Variants in PTPN22 observed in about 807,000 individuals in gnomAD.
PTPN22 encodes protein tyrosine phosphatase non-receptor type 22.
Under a neutral mutation model 103.3 loss-of-function variants are expected in PTPN22, and 85 were observed. That is an observed-to-expected ratio of 0.82 (90% confidence interval 0.69 to 0.99). PTPN22 has a LOEUF of 0.99. Among genes scored for constraint, PTPN22 ranks in the 50% least tolerant of loss-of-function variants. The pLI, the probability that PTPN22 is intolerant of heterozygous loss-of-function variation, is 0.00. For synonymous variants in PTPN22, 323 were observed against 310.2 expected, an observed-to-expected ratio of 1.04 and a Z score of -0.43; for missense variants, 865 against 936.9, an observed-to-expected ratio of 0.92 and a Z score of 1.00.
At chr1:113,856,526 T>G in intron 6 of PTPN22, 22 bp downstream of exon 6, 1 of 1,614,172 alleles carries the variant, frequency 6.2e-7, no homozygotes. Context: ...TACTCAGACA[T>G]GAGAACAGAC....
exon 15 of PTPN22, chr1:113,834,394 T>C: frequency 1.2e-6 from 2 of 1,613,424 alleles, no homozygotes; most frequent in South Asian, 2.2e-5. Flanking sequence ...AATTTTTACC[T>C]TCACAGCTGA....
At chr1:113,848,992 A>AT (rs1437304991) in intron 10 of PTPN22, among the ~76,000 whole-genome samples, 2 of 151,960 alleles carry the variant, frequency 1.3e-5, no homozygotes, top group African/African-American at 4.8e-5. Flanking sequence ...TTCTAGATGG[A>AT]TTTTTTGTAA....
chr1:113,838,302 C>T (rs74163654), exon 13 of PTPN22: 33 of 1,613,158 alleles, frequency 2.0e-5, no homozygotes, highest in Admixed American at 3.3e-5. Context: ...GCAAAACTAG[C>T]TCTTCTTTTG....
intron 11 of PTPN22, among the ~76,000 whole-genome samples, chr1:113,847,176 AT>A (rs1664156318): frequency 8.4e-6 from 1 of 119,628 alleles, no homozygotes; most frequent in South Asian, 2.5e-4. Context: ...CAGTTACTGT[AT>A]TTTTAAGTTC....
chr1:113,824,418 T>C (rs916521959), intron 19 of PTPN22, among the ~76,000 whole-genome samples: 3 of 152,140 alleles, frequency 2.0e-5, no homozygotes, highest in Non-Finnish European at 2.9e-5. Context: ...GGTTTTTATA[T>C]TTTTTATTTG....
chr1:113,837,885 A>G (rs755509904), exon 13 of PTPN22: 1 of 1,614,152 alleles, frequency 6.2e-7, no homozygotes, highest in Non-Finnish European at 8.5e-7. Context: ...TTTGGTGTTT[A>G]GAGTCATATG....
intron 6 of PTPN22, 35 bp downstream of exon 6, chr1:113,856,513 C>T: frequency 6.2e-7 from 1 of 1,613,538 alleles, no homozygotes; most frequent in African/African-American, 1.3e-5. Flanking sequence ...ACCCTGGAGG[C>T]TTTACTCAGA....
At chr1:113,828,105 T>C (rs2101913155) in intron 18 of PTPN22, among the ~76,000 whole-genome samples, 1 of 152,186 alleles carries the variant, frequency 6.6e-6, no homozygotes, top group East Asian at 1.9e-4. Context: ...GGGGTTATTA[T>C]TTTCTATGAA....
intron 15 of PTPN22, among the ~76,000 whole-genome samples, chr1:113,833,390 C>T (rs1204601196): frequency 6.6e-6 from 1 of 152,162 alleles, no homozygotes; most frequent in Non-Finnish European, 1.5e-5. Flanking sequence ...TCTGTCCCAC[C>T]TGAAACATTT....
intron 20 of PTPN22, among the ~76,000 whole-genome samples, chr1:113,817,053 G>T (rs577246857): frequency 6.6e-6 from 1 of 152,260 alleles, no homozygotes; most frequent in East Asian, 1.9e-4. Context: ...TGGTGGAGGG[G>T]ACACACAGCC....
At chr1:113,833,089 T>C (rs2101939509) in intron 16 of PTPN22, 22 bp downstream of exon 16, 1 of 1,558,428 alleles carries the variant, frequency 6.4e-7, no homozygotes, top group East Asian at 2.3e-5. Context: ...AAATGTCATC[T>C]AAAGCCAAGA....
At chr1:113,870,395 T>C (rs1017671992) in intron 1 of PTPN22, among the ~76,000 whole-genome samples, 1 of 152,204 alleles carries the variant, frequency 6.6e-6, no homozygotes, top group Non-Finnish European at 1.5e-5. Context: ...AATTCTTATA[T>C]CTCTGAAACG....
At chr1:113,819,442 A>G (rs1661415414) in intron 20 of PTPN22, 135 bp downstream of exon 20, 1 of 503,176 alleles carries the variant, frequency 2.0e-6, no homozygotes, top group Admixed American at 3.8e-5. Flanking sequence ...ATAAAAAGAT[A>G]AATTGCATGG....
intron 13 of PTPN22, among the ~76,000 whole-genome samples, chr1:113,835,320 C>T (rs1379651056): frequency 1.3e-5 from 2 of 152,100 alleles, no homozygotes; most frequent in East Asian, 3.9e-4. Context: ...AGATCGAAAC[C>T]ATCCTGGCTA....
intron 20 of PTPN22, among the ~76,000 whole-genome samples, chr1:113,818,212 T>G (rs1661316928): frequency 6.6e-6 from 1 of 152,074 alleles, no homozygotes. Context: ...GTTGCCGGGA[T>G]GGAGTGCAGT....
intron 1 of PTPN22, among the ~76,000 whole-genome samples, chr1:113,861,819 A>G (rs1022631155): frequency 1.3e-5 from 2 of 152,202 alleles, no homozygotes; most frequent in Admixed American, 6.5e-5. Flanking sequence ...AGTAGAAAGC[A>G]AAAGGGTATA....
chr1:113,829,245 T>G (rs1662345607), intron 18 of PTPN22: 1 of 152,676 alleles, frequency 6.5e-6, no homozygotes, highest in African/African-American at 2.4e-5. Flanking sequence ...TTTATTTTTA[T>G]TTTTATTTTT....
rs1263035786 is a variant in PTPN22, at chr1:113,838,248, AT to A, written c.1151del (p.Asn384IlefsTer12). ...TGTCAGCATTTTTGTCAAAACTGTAATTTAGCTCCAGAAAGTCAAAAGAAGT... is the reference window on the plus strand; with the variant it reads ...TGTCAGCATTTTTGTCAAAACTGTAATTAGCTCCAGAAAGTCAAAAGAAGT... On this transcript the variant is annotated frameshift_variant, in exon 13 of 21. Coordinates refer to ENST00000359785, the Ensembl canonical transcript of PTPN22. LOFTEE classifies it high-confidence loss of function. 8 of 1,614,002 alleles carry A rather than the reference AT, an allele frequency of 5.0e-6. No homozygotes were observed. Among genetic ancestry groups the A allele is most frequent in the Non-Finnish European group, 6.8e-6 (8 of 1,180,012 alleles).
Position 113,822,732 on chromosome 1 carries a change from T to G in PTPN22, c.2281+2410A>C, listed in dbSNP as rs1019697988. Among the ~76,000 whole-genome samples, 8 of 151,878 alleles carry G rather than the reference T, an allele frequency of 5.3e-5. No homozygotes were observed. In the South Asian group the frequency reaches 1.5e-3, roughly 28 times the overall value. ...ATCCCAGCACTTTGGGAGGCCGAGG[T>G]GGGTGGATCATAAGGTCAGGAGATC... On this transcript the variant is annotated intron_variant, in intron 19 of 20. Coordinates refer to ENST00000359785, the Ensembl canonical transcript of PTPN22.
Sources: allele counts gnomAD v4.1 joint callset (sites outside exome capture counted in the v4.1 genomes callset), GRCh38; gene constraint gnomAD v4.1.1; transcripts MANE v1.5; gene names NCBI Gene and HGNC (gene_info 2026-07-23, HGNC 2026-07-21).